The following EFCAB9 variants were observed in gnomAD, a reference collection of about 807,000 sequenced individuals.
The protein encoded by EFCAB9 is EF-hand calcium-binding domain-containing protein 9.
Under a neutral mutation model 15.6 loss-of-function variants are expected in EFCAB9, and 16 were observed. The observed-to-expected ratio is 1.03, with a 90% confidence interval of 0.69 to 1.56. EFCAB9 has a LOEUF of 1.56. Among genes scored for constraint, EFCAB9 ranks in the 40% most tolerant of loss-of-function variants. The pLI is 0.00. For synonymous variants in EFCAB9, 76 were observed against 85.4 expected, an observed-to-expected ratio of 0.89 and a Z score of 0.61; for missense variants, 208 against 235.4, an observed-to-expected ratio of 0.88 and a Z score of 0.76.
intron 1 of EFCAB9, among the ~76,000 whole-genome samples, chr5:172,197,642 C>T (rs1355852484): frequency 6.6e-6 from 1 of 152,158 alleles, no homozygotes; most frequent in African/African-American, 2.4e-5. Flanking sequence ...GTGTTGGTTC[C>T]TTCTGGTGGG....
At chr5:172,202,978 G>A (rs1003338254) in intron 3 of EFCAB9, among the ~76,000 whole-genome samples, 3 of 152,308 alleles carry the variant, frequency 2.0e-5, no homozygotes, top group East Asian at 1.9e-4. Context: ...CGGCCTGGGC[G>A]ACAGAGAGAG....
chr5:172,197,872 C>A (rs1273204660), intron 1 of EFCAB9, among the ~76,000 whole-genome samples: 5 of 152,186 alleles, frequency 3.3e-5, no homozygotes, highest in African/African-American at 1.2e-4. Context: ...CCACGTCCTG[C>A]TGATTGGTCC....
chr5:172,200,449 C>G, intron 2 of EFCAB9, 117 bp from the exon 3 acceptor site: 1 of 1,080,910 alleles, frequency 9.3e-7, no homozygotes, highest in Non-Finnish European at 1.3e-6. Context: ...TTCTGATTTT[C>G]TCTTTTGCTT....
At chr5:172,202,311 C>T (rs1771266989) in intron 3 of EFCAB9, among the ~76,000 whole-genome samples, 4 of 114,928 alleles carry the variant, frequency 3.5e-5, no homozygotes, top group South Asian at 6.0e-4. Flanking sequence ...ACTGCCTGGG[C>T]GACAGAGTGA....
chr5:172,198,520 G>A (rs574310657), intron 1 of EFCAB9, among the ~76,000 whole-genome samples: 1 of 152,278 alleles, frequency 6.6e-6, no homozygotes, highest in Admixed American at 6.5e-5. Flanking sequence ...AACACATAAG[G>A]TGGTAAATAA....
Position 172,199,411 on chromosome 5 carries a change from T to A in EFCAB9, c.165T>A (p.His55Gln). 2.0e-6 allele frequency: 3 copies of A among 1,537,286 alleles called. No individual in the cohort carries two copies. Among genetic ancestry groups the A allele is most frequent in the Admixed American group, 3.9e-5 (2 of 50,990 alleles). ...TGCTGTTCTATCACTTCCTTCATCATGTGACTGACTTGAAAAAGGCACAGA... is the reference window on the plus strand; with the variant it reads ...TGCTGTTCTATCACTTCCTTCATCAAGTGACTGACTTGAAAAAGGCACAGA... ...NDVLFYHFLH[H>Q]VTDLKKAQIN... Residue 55 changes from histidine to glutamine, a missense_variant, in exon 2 of 4, where the codon CAT becomes CAA. By Grantham distance (24) the His-to-Gln change is conservative (BLOSUM62 0). Coordinates refer to ENST00000398186, the MANE Select transcript of EFCAB9 (RefSeq NM_001171183.2).
At position 172,200,740 on chromosome 5, in the gene EFCAB9, A is replaced by G. The variant is rs1352811630; in HGVS notation, c.460A>G (p.Asn154Asp). The G allele has an allele frequency of 6.5e-7, 1 of 1,536,446 alleles. No individual in the cohort carries two copies. Among genetic ancestry groups the G allele is most frequent in the Non-Finnish European group, 8.7e-7 (1 of 1,146,266 alleles). ...LFRDFDITGD[N>D]RLNYQEFKLY... ...CCGTGACTTTGACATTACAGGTGAC[A>G]ATGTAAGTACAGATCCAAAATGTGG... The change falls in exon 3 of 4, where the codon AAT becomes GAT. Residue 154 changes from asparagine (N) to aspartate (D), a missense_variant and splice_region_variant. Coordinates refer to ENST00000398186, the MANE Select transcript of EFCAB9 (RefSeq NM_001171183.2).
At position 172,203,383 on chromosome 5, in the gene EFCAB9, GA is replaced by G. The variant is rs780799680; in HGVS notation, c.*41del. The G allele has an allele frequency of 1.1e-5, 17 of 1,516,448 alleles. No homozygotes were observed. The highest frequency in any genetic ancestry group is 1.5e-5 in the Non-Finnish European group (17 of 1,139,894). 93.9% of individuals were successfully genotyped at this position (1,516,448 alleles called of 1,614,324 possible). On this transcript the variant is annotated 3_prime_UTR_variant, in exon 4 of 4. Transcript: ENST00000398186. ...AGAGTCTTGGAAAAAAATGGGATCT[GA>G]AAGTACAGAACATGAACATTGATGA...
At position 172,194,187 on chromosome 5, in the gene EFCAB9, AGGATC is replaced by A. The variant is rs1489112708; in HGVS notation, c.17_21del (p.Gly6ValfsTer39). On this transcript the variant is annotated frameshift_variant, in exon 1 of 4. Coordinates refer to ENST00000398186, the MANE Select transcript of EFCAB9 (RefSeq NM_001171183.2). LOFTEE classifies it high-confidence loss of function. ...ACAGTACTAAGATGAGACTGAAGCA[AGGATC>A]GTTTCTGTGGTACCTCTATCTGGAC... 3 of 1,537,308 alleles carry A rather than the reference AGGATC, an allele frequency of 2.0e-6. No individual in the cohort carries two copies. The African/African-American group carries it at 4.1e-5, about 21-fold the overall frequency.
At chr5:172,197,798 G>A (rs540193786) in intron 1 of EFCAB9, among the ~76,000 whole-genome samples, 6 of 152,112 alleles carry the variant, frequency 3.9e-5, no homozygotes, top group Admixed American at 3.9e-4. Context: ...GCATGAAAGG[G>A]GACCCAAGCA....
intron 1 of EFCAB9, among the ~76,000 whole-genome samples, chr5:172,198,066 T>C (rs1771190534): frequency 6.6e-6 from 1 of 152,048 alleles, no homozygotes; most frequent in Non-Finnish European, 1.5e-5. Context: ...AGACACAGAG[T>C]GCTGATTGTG....
intron 1 of EFCAB9, among the ~76,000 whole-genome samples, chr5:172,196,792 GC>G (rs1771171999): frequency 6.6e-6 from 1 of 152,140 alleles, no homozygotes; most frequent in Admixed American, 6.5e-5. Context: ...ACTGTAGACA[GC>G]CACACACCAC....
Position 172,199,471 on chromosome 5 carries a change from T to C in EFCAB9, c.225T>C (p.Ala75=), listed in dbSNP as rs1487306823. ...TGTTTGACATGCTGGACTGGAACGCTGTGGGCGAGATCGACTTTGAGAAGT... is the reference window on the plus strand; with the variant it reads ...TGTTTGACATGCTGGACTGGAACGCCGTGGGCGAGATCGACTTTGAGAAGT... ...NIVFDMLDWN[A]VGEIDFEKFY... The change falls in exon 2 of 4, where the codon GCT becomes GCC. Residue 75 remains alanine (A), a synonymous_variant. Coordinates refer to ENST00000398186, the MANE Select transcript of EFCAB9 (RefSeq NM_001171183.2). 1 of 1,537,372 alleles carries C rather than the reference T, an allele frequency of 6.5e-7. No individual in the cohort carries two copies. The highest frequency in any genetic ancestry group is 2.4e-5 in the East Asian group (1 of 40,918).
At chr5:172,200,798 GA>G in intron 3 of EFCAB9, 56 bp downstream of exon 3, 1 of 1,476,988 alleles carries the variant, frequency 6.8e-7, no homozygotes, top group Non-Finnish European at 9.0e-7. Flanking sequence ...CAAAAGCAGA[GA>G]AAAATGTCCT....
intron 1 of EFCAB9, among the ~76,000 whole-genome samples, chr5:172,195,177 T>TAA (rs1467539224): frequency 1.4e-4 from 20 of 145,486 alleles, no homozygotes; most frequent in Non-Finnish European, 1.5e-4. Flanking sequence ...AATAAATAAA[T>TAA]AAATAAAAAT....
At chr5:172,199,112 A>T (rs948678311) in intron 1 of EFCAB9, among the ~76,000 whole-genome samples, 12 of 152,182 alleles carry the variant, frequency 7.9e-5, no homozygotes, top group Admixed American at 1.3e-4. Context: ...TGTCTGCTCC[A>T]TGGAGTGTGT....
chr5:172,200,896 A>T (rs984091028), intron 3 of EFCAB9, among the ~76,000 whole-genome samples, 154 bp downstream of exon 3: 1 of 152,150 alleles, frequency 6.6e-6, no homozygotes, highest in African/African-American at 2.4e-5. Flanking sequence ...TCAGAAAAAA[A>T]CTTAAGAGAC....
At chr5:172,199,603 T>C (rs1358118078) in intron 2 of EFCAB9, 72 bp downstream of exon 2, 1 of 1,494,834 alleles carries the variant, frequency 6.7e-7, no homozygotes, top group African/African-American at 1.4e-5. Context: ...TCAGAAGTTT[T>C]CCTCCTTTCA....
chr5:172,198,409 TG>T (rs1771197644), intron 1 of EFCAB9, among the ~76,000 whole-genome samples: 1 of 152,052 alleles, frequency 6.6e-6, no homozygotes, highest in South Asian at 2.1e-4. Flanking sequence ...CTTGGGAGGC[TG>T]GGGTGGGAGG....
Sources: gnomAD v4.1 joint callset for allele counts (sites outside exome capture counted in the v4.1 genomes callset) on GRCh38, gnomAD v4.1.1 for gene constraint, MANE v1.5 for transcripts, NCBI Gene and HGNC (gene_info 2026-07-23, HGNC 2026-07-21) for gene names.